Variants in SEC14L1 observed in about 807,000 individuals in gnomAD.
SEC14L1 encodes the protein SEC14-like protein 1.
A neutral mutation model predicts 85.3 loss-of-function variants in SEC14L1; 48 were observed. The ratio of observed to expected loss-of-function variants is 0.56; its 90% CI spans 0.45 to 0.72. The LOEUF (loss-of-function observed/expected upper bound fraction) is 0.72, where lower values mean the gene tolerates loss of function less well. Among genes scored for constraint, SEC14L1 ranks in the 30% least tolerant of loss-of-function variants. The pLI, the probability that SEC14L1 is intolerant of heterozygous loss-of-function variation, is 0.00. For synonymous variants in SEC14L1, 391 were observed against 355.5 expected (o/e 1.10, Z -1.12); for missense variants, 682 against 921.4 (o/e 0.74, Z 3.36).
intron 3 of SEC14L1, among the ~76,000 whole-genome samples, chr17:77,174,648 A>C (rs561255425): frequency 1.8e-4 from 28 of 152,308 alleles, no homozygotes; most frequent in Admixed American, 1.8e-3. Flanking sequence ...TGAGGCCACC[A>C]CAACGAGGCA....
intron 3 of SEC14L1, among the ~76,000 whole-genome samples, chr17:77,132,864 C>A (rs79372803): frequency 7.5e-6 from 1 of 133,556 alleles, no homozygotes; most frequent in Non-Finnish European, 1.6e-5. Context: ...TTTTTTTTTT[C>A]TTTTTTCTTT....
chr17:77,173,240 G>A (rs1974598603), intron 3 of SEC14L1, among the ~76,000 whole-genome samples: 1 of 152,194 alleles, frequency 6.6e-6, no homozygotes, highest in Non-Finnish European at 1.5e-5. Flanking sequence ...GAAGTGGTGG[G>A]GAAAGGGAAG....
chr17:77,137,393 G>A (rs1972830260), upstream of SEC14L1, among the ~76,000 whole-genome samples: 1 of 152,168 alleles, frequency 6.6e-6, no homozygotes, highest in East Asian at 1.9e-4. Context: ...GCAGGCAGAA[G>A]CTCCAGAGAG....
At chr17:77,177,012 A>G (rs1974786057) in intron 3 of SEC14L1, among the ~76,000 whole-genome samples, 1 of 152,186 alleles carries the variant, frequency 6.6e-6, no homozygotes, top group African/African-American at 2.4e-5. Context: ...AAGCAAAGAC[A>G]TTTTTTCTTC....
At chr17:77,203,055 T>C (rs900846594) in intron 9 of SEC14L1, among the ~76,000 whole-genome samples, 3 of 152,192 alleles carry the variant, frequency 2.0e-5, no homozygotes, top group African/African-American at 7.2e-5. Flanking sequence ...AGCTGGCTTT[T>C]AAAAAGCTTT....
intron 3 of SEC14L1, among the ~76,000 whole-genome samples, chr17:77,100,546 C>A (rs1351059720): frequency 1.3e-5 from 2 of 149,278 alleles, no homozygotes; most frequent in Non-Finnish European, 3.0e-5. Flanking sequence ...AAGCAAATCT[C>A]CTGCCTCAGC....
intron 3 of SEC14L1, among the ~76,000 whole-genome samples, chr17:77,182,598 T>C (rs1975086463): frequency 6.6e-6 from 1 of 152,198 alleles, no homozygotes; most frequent in Non-Finnish European, 1.5e-5. Context: ...TTTCTCCCTC[T>C]CTGAGGAACT....
chr17:77,110,722 A>C (rs932089536), intron 3 of SEC14L1, among the ~76,000 whole-genome samples: 1 of 151,744 alleles, frequency 6.6e-6, no homozygotes, highest in Non-Finnish European at 1.5e-5. Flanking sequence ...CTACTAAAAA[A>C]AAATACAAAA....
intron 3 of SEC14L1, among the ~76,000 whole-genome samples, chr17:77,111,891 T>C (rs1972057232): frequency 1.3e-5 from 2 of 152,090 alleles, no homozygotes; most frequent in African/African-American, 4.8e-5. Flanking sequence ...AAAGGCATGA[T>C]TGTGTTTTGA....
chr17:77,184,020 A>G (rs1975159445), intron 3 of SEC14L1, among the ~76,000 whole-genome samples: 1 of 152,114 alleles, frequency 6.6e-6, no homozygotes, highest in Admixed American at 6.5e-5. Context: ...TCCTGACCTC[A>G]GGTGATTCGC....
chr17:77,143,113 C>G (rs1159701827), intron 2 of SEC14L1, among the ~76,000 whole-genome samples: 1 of 151,914 alleles, frequency 6.6e-6, no homozygotes, highest in African/African-American at 2.4e-5. Context: ...TATTTTTTTC[C>G]AGTTTTATTT....
At chr17:77,117,239 T>G (rs1309409183) in intron 3 of SEC14L1, among the ~76,000 whole-genome samples, 1 of 151,926 alleles carries the variant, frequency 6.6e-6, no homozygotes, top group Non-Finnish European at 1.5e-5. Context: ...CCCAGCTACT[T>G]GGGAGGCTGA....
At chr17:77,093,499 C>T (rs953264498) in intron 3 of SEC14L1, 2 of 152,260 alleles carry the variant, frequency 1.3e-5, no homozygotes, top group African/African-American at 4.8e-5. Context: ...TGTAGCCTCT[C>T]ATCATCTAAA....
intron 3 of SEC14L1, among the ~76,000 whole-genome samples, chr17:77,183,398 CT>C (rs1240993967): frequency 1.3e-5 from 2 of 152,230 alleles, no homozygotes; most frequent in Non-Finnish European, 1.5e-5. Context: ...AAGTAAGTTG[CT>C]TTATGTCATG....
chr17:77,190,070 TTC>T (rs1481513149), intron 3 of SEC14L1, among the ~76,000 whole-genome samples: 1 of 152,228 alleles, frequency 6.6e-6, no homozygotes, highest in Non-Finnish European at 1.5e-5. Flanking sequence ...TCTATTTTTT[TTC>T]CCTAAAAGTT....
chr17:77,093,821 T>G (rs1444217749), intron 3 of SEC14L1: 1 of 152,296 alleles, frequency 6.6e-6, no homozygotes, highest in Non-Finnish European at 1.5e-5. Context: ...TAGGCTGGTC[T>G]CAAGCTCTTG....
At chr17:77,162,362 T>C (rs1974104565) in intron 3 of SEC14L1, among the ~76,000 whole-genome samples, 1 of 152,116 alleles carries the variant, frequency 6.6e-6, no homozygotes, top group Non-Finnish European at 1.5e-5. Flanking sequence ...GGAATCAAAT[T>C]AGTACTGATT....
At chr17:77,140,011 C>T (rs912079451), upstream of SEC14L1, among the ~76,000 whole-genome samples, 1 of 152,174 alleles carries the variant, frequency 6.6e-6, no homozygotes, top group Non-Finnish European at 1.5e-5. Flanking sequence ...AAATGTACAG[C>T]CACTCAGGGT....
At chr17:77,091,607 A>G (rs756031430) in intron 2 of SEC14L1, among the ~76,000 whole-genome samples, 2 of 152,166 alleles carry the variant, frequency 1.3e-5, no homozygotes, top group Non-Finnish European at 2.9e-5. Context: ...AACTGTAAAT[A>G]GTCACATGTG....
Sources: gnomAD v4.1 joint callset for allele counts (sites outside exome capture counted in the v4.1 genomes callset) on GRCh38, gnomAD v4.1.1 for gene constraint, MANE v1.5 for transcripts, NCBI Gene and HGNC (gene_info 2026-07-23, HGNC 2026-07-21) for gene names.